The following FRMD4A variants were observed in gnomAD, a reference collection of about 807,000 sequenced individuals.
FRMD4A encodes the protein FERM domain containing 4A, also known as FERM domain-containing protein 4A.
Under a neutral mutation model 129.1 loss-of-function variants are expected in FRMD4A, and 29 were observed. The ratio of observed to expected loss-of-function variants is 0.22; its 90% confidence interval spans 0.17 to 0.31. The LOEUF (loss-of-function observed/expected upper bound fraction) is 0.31, where lower values mean the gene tolerates loss of function less well. Among genes scored for constraint, FRMD4A ranks in the 10% least tolerant of loss-of-function variants. FRMD4A has a pLI of 1.00. For synonymous variants in FRMD4A, 634 were observed against 571.6 expected (o/e 1.11, Z -1.56); for missense variants, 1,272 against 1,375.8 (o/e 0.92, Z 1.19).
At chr10:14,014,090 G>A (rs911063009) in intron 2 of FRMD4A, among the ~76,000 whole-genome samples, 7 of 152,112 alleles carry the variant, frequency 4.6e-5, no homozygotes, top group African/African-American at 1.7e-4. Context: ...GGGATGCAGG[G>A]GAAGGATTTG....
At chr10:14,264,310 T>C (rs1489209261) in intron 2 of FRMD4A, among the ~76,000 whole-genome samples, 5 of 152,284 alleles carry the variant, frequency 3.3e-5, no homozygotes, top group African/African-American at 7.2e-5. Flanking sequence ...TCCCCATTGA[T>C]ACAAGCAGCC....
intron 3 of FRMD4A, among the ~76,000 whole-genome samples, chr10:13,842,258 C>T (rs778210394): frequency 9.9e-5 from 15 of 152,174 alleles, no homozygotes; most frequent in African/African-American, 2.2e-4. Context: ...TTCTGAGTGT[C>T]GTCTAGTCCA....
intron 22 of FRMD4A, chr10:13,655,672 G>T (rs1389482947): frequency 6.6e-6 from 1 of 152,106 alleles, no homozygotes; most frequent in Non-Finnish European, 1.5e-5. Context: ...CCCCAAAGAT[G>T]AACCCCCCAT....
At chr10:14,084,583 C>G (rs963736802) in intron 2 of FRMD4A, among the ~76,000 whole-genome samples, 1 of 152,152 alleles carries the variant, frequency 6.6e-6, no homozygotes, top group Non-Finnish European at 1.5e-5. Context: ...TCCTAGAGAT[C>G]CCAAGCAACT....
At chr10:14,212,155 A>C (rs1016103945) in intron 2 of FRMD4A, among the ~76,000 whole-genome samples, 2 of 152,044 alleles carry the variant, frequency 1.3e-5, no homozygotes, top group African/African-American at 2.4e-5. Context: ...ACCCAGCACC[A>C]CACCCCTCAC....
At chr10:14,244,701 A>G (rs1033871914) in intron 2 of FRMD4A, among the ~76,000 whole-genome samples, 3 of 152,228 alleles carry the variant, frequency 2.0e-5, no homozygotes, top group African/African-American at 7.2e-5. Flanking sequence ...CTGCAAGGAA[A>G]TATTACATAT....
At chr10:14,029,830 CAT>C (rs1833153293) in intron 2 of FRMD4A, among the ~76,000 whole-genome samples, 1 of 148,586 alleles carries the variant, frequency 6.7e-6, no homozygotes, top group Non-Finnish European at 1.5e-5. Context: ...AAAAAAACTA[CAT>C]GTTTGTTTTT....
intron 2 of FRMD4A, among the ~76,000 whole-genome samples, chr10:13,863,399 T>C (rs1036084295): frequency 4.7e-5 from 7 of 149,000 alleles, no homozygotes; most frequent in African/African-American, 1.7e-4. Context: ...CTGGGCAACA[T>C]GGCAAAACCC....
At chr10:14,198,119 T>A (rs920164346) in intron 2 of FRMD4A, among the ~76,000 whole-genome samples, 1 of 152,202 alleles carries the variant, frequency 6.6e-6, no homozygotes, top group Non-Finnish European at 1.5e-5. Flanking sequence ...CAGAGCGTAT[T>A]AGCTGAGATG....
At chr10:13,873,621 A>T (rs1043008489) in intron 2 of FRMD4A, among the ~76,000 whole-genome samples, 4 of 152,148 alleles carry the variant, frequency 2.6e-5, no homozygotes, top group Non-Finnish European at 2.9e-5. Flanking sequence ...ATCTCAGCTC[A>T]CTGCAACCTC....
At chr10:13,901,075 T>G (rs1349426701) in intron 2 of FRMD4A, among the ~76,000 whole-genome samples, 2 of 152,118 alleles carry the variant, frequency 1.3e-5, no homozygotes, top group Admixed American at 1.3e-4. Context: ...GGGAGAGGTG[T>G]GATAAGCCAT....
chr10:13,909,862 A>G (rs1470239672), intron 2 of FRMD4A, among the ~76,000 whole-genome samples: 1 of 152,250 alleles, frequency 6.6e-6, no homozygotes, highest in Non-Finnish European at 1.5e-5. Flanking sequence ...AACTCATGTC[A>G]AAAGAGAAAA....
chr10:13,723,735 G>T (rs2134987526), intron 12 of FRMD4A, among the ~76,000 whole-genome samples: 1 of 152,338 alleles, frequency 6.6e-6, no homozygotes, highest in East Asian at 1.9e-4. Flanking sequence ...GAGATGTTCT[G>T]TGAACTCTCT....
At chr10:14,039,385 TCCATCCATCC>T (rs1833664280) in intron 2 of FRMD4A, among the ~76,000 whole-genome samples, 1 of 124,992 alleles carries the variant, frequency 8.0e-6, no homozygotes, top group Admixed American at 8.1e-5. Flanking sequence ...CATCCATCCA[TCCATCCATCC>T]ATCCATCCAT....
At chr10:13,659,613 TTGG>T (rs1589242286) in intron 20 of FRMD4A, 123 bp from the exon 21 acceptor site, 1 of 944,244 alleles carries the variant, frequency 1.1e-6, no homozygotes, top group East Asian at 2.5e-5. Context: ...CCCACCTCGC[TTGG>T]TCAGACCTCT....
At chr10:13,660,727 G>A (rs921415244) in intron 19 of FRMD4A, among the ~76,000 whole-genome samples, 174 bp from the exon 20 acceptor site, 8 of 152,134 alleles carry the variant, frequency 5.3e-5, no homozygotes, top group Non-Finnish European at 8.8e-5. Context: ...AAGTCAAGAC[G>A]AGTCAAACCA....
intron 2 of FRMD4A, among the ~76,000 whole-genome samples, chr10:14,197,725 C>T (rs574461824): frequency 1.3e-5 from 2 of 152,346 alleles, no homozygotes; most frequent in Middle Eastern, 3.4e-3. Context: ...AATTGTCTTG[C>T]ATGTTCTACA....
intron 2 of FRMD4A, among the ~76,000 whole-genome samples, chr10:14,297,185 T>C (rs1846037704): frequency 1.3e-5 from 2 of 151,726 alleles, no homozygotes. Context: ...AAGAAGAACA[T>C]GCCTATCACT....
chr10:13,926,055 A>G (rs2095130544), intron 2 of FRMD4A, among the ~76,000 whole-genome samples: 3 of 152,158 alleles, frequency 2.0e-5, no homozygotes, highest in African/African-American at 7.2e-5. Context: ...GTGTGGTTCA[A>G]GGAGGAAATT....
Sources: allele counts gnomAD v4.1 joint callset (sites outside exome capture counted in the v4.1 genomes callset), GRCh38; gene constraint gnomAD v4.1.1; transcripts MANE v1.5; gene names NCBI Gene and HGNC (gene_info 2026-07-23, HGNC 2026-07-21).